Variants in TENM2 observed in about 807,000 individuals in gnomAD.
TENM2 encodes the protein teneurin transmembrane protein 2.
A neutral mutation model predicts 245.2 loss-of-function variants in TENM2; 52 were observed. The ratio of observed to expected loss-of-function variants is 0.21; its 90% CI spans 0.17 to 0.27. The LOEUF is 0.27. Among genes scored for constraint, TENM2 ranks in the 10% least tolerant of loss-of-function variants. The pLI, the probability that TENM2 is intolerant of heterozygous loss-of-function variation, is 1.00. For missense variants in TENM2, 3,046 were observed against 3,666.8 expected (o/e 0.83, Z 4.37); for synonymous variants, 1,363 against 1,438.9 (o/e 0.95, Z 1.19).
At chr5:167,613,981 C>T (rs1777629872) in intron 2 of TENM2, among the ~76,000 whole-genome samples, 1 of 152,032 alleles carries the variant, frequency 6.6e-6, no homozygotes, top group Non-Finnish European at 1.5e-5. Context: ...ATTTGAAAAT[C>T]AACCAGATTT....
intron 12 of TENM2, among the ~76,000 whole-genome samples, chr5:168,148,912 TAGA>T (rs768296505): frequency 0.041 from 5,719 of 139,866 alleles, 239 homozygotes; most frequent in Admixed American, 0.12. Flanking sequence ...GATAGATAGA[TAGA>T]TAGATTGATA....
At chr5:168,062,252 C>T in exon 7 of TENM2, 1 of 1,613,564 alleles carries the variant, frequency 6.2e-7, no homozygotes. Flanking sequence ...GGACTTCCAC[C>T]ATCTCATGCC....
chr5:167,542,494 C>T (rs1399452891), intron 2 of TENM2, among the ~76,000 whole-genome samples: 1 of 36,998 alleles, frequency 2.7e-5, no homozygotes, highest in Non-Finnish European at 1.0e-4. Flanking sequence ...CCTTCTGAAT[C>T]CATGAAGGGT....
At chr5:167,119,913 G>A in the TENM2 span, among the ~76,000 whole-genome samples, 98 of 152,322 alleles carry the variant, frequency 6.4e-4, no homozygotes, top group African/African-American at 2.3e-3. Context: ...TGTAGACATA[G>A]GGTATTTTGT....
chr5:167,776,150 G>GAAA (rs145171683), intron 2 of TENM2, among the ~76,000 whole-genome samples: 5 of 141,464 alleles, frequency 3.5e-5, no homozygotes, highest in Non-Finnish European at 3.0e-5. Context: ...CCTGTGAAAG[G>GAAA]AAAAAAAAAT....
exon 27 of TENM2, chr5:168,248,238 G>A (rs1489892972): frequency 1.2e-6 from 2 of 1,613,886 alleles, no homozygotes; most frequent in African/African-American, 1.3e-5. Flanking sequence ...ATGATGTGCT[G>A]GCAGGACGAT....
intron 2 of TENM2, among the ~76,000 whole-genome samples, chr5:167,382,248 G>T (rs1232990614): frequency 1.3e-5 from 2 of 152,138 alleles, no homozygotes; most frequent in Non-Finnish European, 2.9e-5. Context: ...ATGACTTTGT[G>T]CTAATTATGT....
intron 1 of TENM2, among the ~76,000 whole-genome samples, chr5:167,342,010 C>A (rs1403596623): frequency 6.6e-6 from 1 of 152,100 alleles, no homozygotes; most frequent in East Asian, 1.9e-4. Flanking sequence ...AGAATTATTG[C>A]AGAGAGAGTA....
the TENM2 span, among the ~76,000 whole-genome samples, chr5:167,189,867 A>G: frequency 6.6e-6 from 1 of 152,104 alleles, no homozygotes; most frequent in African/African-American, 2.4e-5. Context: ...CTTGAGATAT[A>G]ACTTTATATT....
At chr5:167,376,130 A>C (rs980957621) in intron 2 of TENM2, among the ~76,000 whole-genome samples, 3 of 152,200 alleles carry the variant, frequency 2.0e-5, no homozygotes, top group African/African-American at 7.2e-5. Context: ...AAACTTTGAA[A>C]ATTAAATCCT....
chr5:167,328,111 C>T (rs1273773391), intron 1 of TENM2, among the ~76,000 whole-genome samples: 1 of 142,652 alleles, frequency 7.0e-6, no homozygotes, highest in Non-Finnish European at 1.5e-5. Flanking sequence ...TAATTTATCG[C>T]AGCATTAAGT....
rs943808775 is a variant in TENM2 at position 168,247,010 on chromosome 5, A to T, written c.6071A>T (p.Lys2024Ile). 1.2e-5 allele frequency: 19 copies of T among 1,613,954 alleles called. No homozygotes were observed. The highest frequency in any genetic ancestry group is 1.6e-5 in the Non-Finnish European group (19 of 1,179,888). The stretch of plus-strand genomic sequence containing the variant: ...CGCCAGGTGTTCTACAAGTATGGGA[A>T]ACTCTCCAAGTTATCAGAGATTGTC... Residue 2024 changes from lysine to isoleucine, a missense_variant, in exon 27 of 29, where the codon AAA becomes ATA. By Grantham distance (102) the Lys-to-Ile change is moderately radical. This residue lies in a region of TENM2 where 2,704 missense variants were observed against 3,331.9 expected (regional missense o/e 0.81). Transcript: ENST00000518659. This position sits in a 1 kb window ranked among gnomAD's most constrained non-coding sequence, Gnocchi z 7.8.
At chr5:167,250,404 A>C in the TENM2 span, among the ~76,000 whole-genome samples, 1 of 152,200 alleles carries the variant, frequency 6.6e-6, no homozygotes, top group African/African-American at 2.4e-5. Context: ...AATATTGAGT[A>C]CATGTTGAAA....
At chr5:168,210,691 G>C (rs146100913) in intron 19 of TENM2, among the ~76,000 whole-genome samples, 2 of 150,736 alleles carry the variant, frequency 1.3e-5, no homozygotes, top group Admixed American at 6.6e-5. Context: ...CACCACTAAT[G>C]ATGGCCCCCG....
At chr5:167,009,974 G>T in the TENM2 span, among the ~76,000 whole-genome samples, 1 of 152,208 alleles carries the variant, frequency 6.6e-6, no homozygotes, top group Non-Finnish European at 1.5e-5. Context: ...AAATATAATT[G>T]AATTTTTTAT....
At chr5:167,936,287 C>A (rs1778708311) in intron 3 of TENM2, among the ~76,000 whole-genome samples, 1 of 152,232 alleles carries the variant, frequency 6.6e-6, no homozygotes, top group African/African-American at 2.4e-5. Context: ...ACCATTCATT[C>A]TCCTTTCTAC....
intron 2 of TENM2, among the ~76,000 whole-genome samples, chr5:167,751,638 G>A (rs535505349): frequency 6.6e-6 from 1 of 152,206 alleles, no homozygotes; most frequent in African/African-American, 2.4e-5. Context: ...GTTTTGTTTT[G>A]TTTTGGGCTT....
At chr5:167,062,389 A>G in the TENM2 span, among the ~76,000 whole-genome samples, 5 of 152,120 alleles carry the variant, frequency 3.3e-5, no homozygotes, top group African/African-American at 1.2e-4. Context: ...AAGCATAAAA[A>G]TCCCAAATGG....
At chr5:167,333,292 C>T (rs1324077783) in intron 1 of TENM2, among the ~76,000 whole-genome samples, 1 of 152,140 alleles carries the variant, frequency 6.6e-6, no homozygotes, top group African/African-American at 2.4e-5. Flanking sequence ...TTCTGTGAGA[C>T]CCCTACAACT....
Sources: allele counts gnomAD v4.1 joint callset (sites outside exome capture counted in the v4.1 genomes callset), GRCh38; gene constraint gnomAD v4.1.1; regional missense constraint gnomAD v4.1.1; non-coding constraint Gnocchi (gnomAD v3.1); transcripts MANE v1.5; gene names NCBI Gene and HGNC (gene_info 2026-07-23, HGNC 2026-07-21).